The following NKAIN2 variants were observed in gnomAD, a reference collection of about 807,000 sequenced individuals.
The protein encoded by NKAIN2 is sodium/potassium-transporting ATPase subunit beta-1-interacting protein 2.
In NKAIN2, 14 loss-of-function variants were observed where a neutral mutation model predicts 32.6. The ratio of observed to expected loss-of-function variants is 0.43; its 90% CI spans 0.28 to 0.67. NKAIN2 has a LOEUF of 0.67. Ranked by LOEUF, NKAIN2 falls within the 30% of genes least tolerant of loss-of-function variation. NKAIN2 has a pLI of 0.17. For synonymous variants in NKAIN2, 80 were observed against 87.2 expected (o/e 0.92, Z 0.46); for missense variants, 198 against 258.3 (o/e 0.77, Z 1.60).
At chr6:123,943,363 C>A (rs1019089980) in intron 1 of NKAIN2, among the ~76,000 whole-genome samples, 1 of 151,970 alleles carries the variant, frequency 6.6e-6, no homozygotes, top group South Asian at 2.1e-4. Flanking sequence ...AAAACATTTT[C>A]TTGTGACTTG....
chr6:124,251,615 T>C (rs1052815412), intron 1 of NKAIN2, among the ~76,000 whole-genome samples: 1 of 152,120 alleles, frequency 6.6e-6, no homozygotes, highest in South Asian at 2.1e-4. Context: ...TCTTTAGAAG[T>C]AAGCAAAGTG....
chr6:124,424,070 T>G (rs1281667957), intron 3 of NKAIN2, among the ~76,000 whole-genome samples: 1 of 152,188 alleles, frequency 6.6e-6, no homozygotes, highest in Admixed American at 6.6e-5. Flanking sequence ...CTCGGCTCAC[T>G]GCAAGCTCTG....
intron 3 of NKAIN2, among the ~76,000 whole-genome samples, chr6:124,522,692 G>A (rs1779158651): frequency 6.6e-6 from 1 of 152,152 alleles, no homozygotes; most frequent in African/African-American, 2.4e-5. Flanking sequence ...TAGGACTCTA[G>A]AGTTGATCCA....
intron 4 of NKAIN2, among the ~76,000 whole-genome samples, chr6:124,789,895 T>C (rs369277654): frequency 6.6e-6 from 1 of 152,082 alleles, no homozygotes. Context: ...CAGTGGTATT[T>C]ATTTTTGACT....
chr6:124,168,919 T>C (rs889710174), intron 1 of NKAIN2, among the ~76,000 whole-genome samples: 6 of 152,140 alleles, frequency 3.9e-5, no homozygotes, highest in East Asian at 1.9e-4. Context: ...ATTTTAACAA[T>C]CGGAATATTT....
chr6:124,164,410 C>T (rs946576607), intron 1 of NKAIN2, among the ~76,000 whole-genome samples: 8 of 152,114 alleles, frequency 5.3e-5, no homozygotes, highest in Middle Eastern at 6.8e-3. Context: ...AAGTAGTTCA[C>T]AGATTTAACA....
intron 3 of NKAIN2, among the ~76,000 whole-genome samples, chr6:124,394,441 A>G (rs1458236163): frequency 6.7e-6 from 1 of 150,196 alleles, no homozygotes; most frequent in Non-Finnish European, 1.5e-5. Context: ...TTTTCCAGAA[A>G]AACAGAATCA....
chr6:124,081,700 A>T (rs980548848), intron 1 of NKAIN2, among the ~76,000 whole-genome samples: 24 of 152,174 alleles, frequency 1.6e-4, no homozygotes, highest in African/African-American at 5.3e-4. Context: ...GCTTATTGAA[A>T]ATATTGGGAA....
intron 3 of NKAIN2, among the ~76,000 whole-genome samples, chr6:124,472,824 C>A (rs1219769828): frequency 1.3e-5 from 2 of 151,304 alleles, no homozygotes; most frequent in Admixed American, 6.6e-5. Flanking sequence ...GTACATAATT[C>A]TAAATATATA....
chr6:124,032,553 T>A (rs188499753), intron 1 of NKAIN2, among the ~76,000 whole-genome samples: 64 of 152,214 alleles, frequency 4.2e-4, no homozygotes, highest in African/African-American at 1.3e-3. Context: ...ATTTTTACCA[T>A]TATTTGATAA....
chr6:124,140,935 A>G (rs1250040183), intron 1 of NKAIN2, among the ~76,000 whole-genome samples: 1 of 152,224 alleles, frequency 6.6e-6, no homozygotes, highest in Non-Finnish European at 1.5e-5. Context: ...TAATATTTTT[A>G]CTAATATAGA....
chr6:124,602,638 C>G (rs538638827), intron 3 of NKAIN2, among the ~76,000 whole-genome samples: 1 of 151,938 alleles, frequency 6.6e-6, no homozygotes, highest in Admixed American at 6.6e-5. Context: ...AACGTGAATA[C>G]TTGGTTTTAT....
intron 3 of NKAIN2, among the ~76,000 whole-genome samples, chr6:124,619,008 T>G (rs1480379529): frequency 5.3e-5 from 8 of 151,946 alleles, no homozygotes; most frequent in Non-Finnish European, 1.0e-4. Flanking sequence ...AATAAGACAC[T>G]AAATCTAAGG....
chr6:124,066,862 TTGTGTGTGTGTGTG>T (rs10574288), intron 1 of NKAIN2, among the ~76,000 whole-genome samples: 1,737 of 149,666 alleles, frequency 0.012, 27 homozygotes, highest in East Asian at 0.035. Flanking sequence ...TTTGCTGCGT[TTGTGTGTGTGTGTG>T]TGTGTGTGTG....
At chr6:124,302,931 T>A (rs1490755744) in intron 2 of NKAIN2, among the ~76,000 whole-genome samples, 2 of 152,172 alleles carry the variant, frequency 1.3e-5, no homozygotes, top group Non-Finnish European at 2.9e-5. Flanking sequence ...CATACCATAT[T>A]TAGAAGACTT....
chr6:124,710,994 C>T (rs925497298), intron 4 of NKAIN2, among the ~76,000 whole-genome samples: 2 of 148,834 alleles, frequency 1.3e-5, no homozygotes, highest in African/African-American at 5.0e-5. Context: ...ATGTTTAGCG[C>T]TTCCTTCAGG....
chr6:124,165,303 A>G (rs1788476661), intron 1 of NKAIN2, among the ~76,000 whole-genome samples: 1 of 152,058 alleles, frequency 6.6e-6, no homozygotes, highest in Non-Finnish European at 1.5e-5. Flanking sequence ...TGGAATCACT[A>G]ATTATGGGCT....
chr6:124,287,893 T>G (rs1196554914), intron 2 of NKAIN2, among the ~76,000 whole-genome samples: 4 of 152,108 alleles, frequency 2.6e-5, no homozygotes, highest in African/African-American at 7.2e-5. Flanking sequence ...CATAGCAACT[T>G]TCTCAGTGAT....
chr6:124,527,228 A>G (rs77205795), intron 3 of NKAIN2, among the ~76,000 whole-genome samples: 4,216 of 152,214 alleles, frequency 0.028, 212 homozygotes, highest in African/African-American at 0.097. Flanking sequence ...AAAGATATAT[A>G]TACTCCGTAA....
Sources: gnomAD v4.1 joint callset for allele counts (sites outside exome capture counted in the v4.1 genomes callset) on GRCh38, gnomAD v4.1.1 for gene constraint, MANE v1.5 for transcripts, NCBI Gene and HGNC (gene_info 2026-07-23, HGNC 2026-07-21) for gene names.